Variants in SGO1 observed in about 807,000 individuals in gnomAD.
The protein encoded by SGO1 is serologically defined breast cancer antigen NY-BR-85.
A neutral mutation model predicts 50.5 loss-of-function variants in SGO1; 39 were observed. The ratio of observed to expected loss-of-function variants is 0.77; its 90% confidence interval spans 0.60 to 1.01. The LOEUF is 1.01. Ranked by LOEUF, SGO1 falls within the 50% of genes least tolerant of loss-of-function variation. The pLI, the probability that SGO1 is intolerant of heterozygous loss-of-function variation, is 0.00. For synonymous variants in SGO1, 191 were observed against 205.1 expected (o/e 0.93, Z 0.59); for missense variants, 638 against 606.0 (o/e 1.05, Z -0.55).
chr3:20,178,722 A>C (rs1328126808), intron 3 of SGO1, among the ~76,000 whole-genome samples: 2 of 152,230 alleles, frequency 1.3e-5, no homozygotes, highest in Non-Finnish European at 2.9e-5. Context: ...GAGGAAAAGA[A>C]GGCAGTGGAA....
At chr3:20,172,992 A>T (rs1700943363) in intron 6 of SGO1, among the ~76,000 whole-genome samples, 1 of 152,014 alleles carries the variant, frequency 6.6e-6, no homozygotes, top group Non-Finnish European at 1.5e-5. Flanking sequence ...ACAACAAAAA[A>T]ATCCCAACTT....
At chr3:20,173,993 G>T (rs1701069015) in intron 6 of SGO1, among the ~76,000 whole-genome samples, 1 of 152,106 alleles carries the variant, frequency 6.6e-6, no homozygotes, top group Non-Finnish European at 1.5e-5. Flanking sequence ...CTGTCCCCTT[G>T]GGAGTCCTAA....
intron 3 of SGO1, among the ~76,000 whole-genome samples, chr3:20,179,388 A>C (rs1217667102): frequency 6.6e-6 from 1 of 152,180 alleles, no homozygotes; most frequent in Non-Finnish European, 1.5e-5. Context: ...CAGTACATAA[A>C]GCTATGAGAG....
chr3:20,171,760 T>G (rs909413135), intron 6 of SGO1, among the ~76,000 whole-genome samples: 3 of 152,192 alleles, frequency 2.0e-5, no homozygotes, highest in African/African-American at 7.2e-5. Flanking sequence ...CCGCTAAAAC[T>G]CCTTCTATTA....
intron 4 of SGO1, among the ~76,000 whole-genome samples, chr3:20,177,726 G>C (rs1307863655): frequency 6.6e-6 from 1 of 152,110 alleles, no homozygotes; most frequent in African/African-American, 2.4e-5. Context: ...TTGTAACTGT[G>C]ATCTGTGCAT....
chr3:20,167,092 A>AT (rs1700344827), downstream of SGO1, among the ~76,000 whole-genome samples: 1 of 152,160 alleles, frequency 6.6e-6, no homozygotes, highest in Admixed American at 6.5e-5. Flanking sequence ...TGACTATACA[A>AT]TATACCCAGC....
intron 8 of SGO1, chr3:20,161,320 A>T: frequency 2.8e-6 from 4 of 1,406,896 alleles, no homozygotes; most frequent in Non-Finnish European, 3.7e-6. Flanking sequence ...TCCATGAAGG[A>T]TGAGCTCACA....
At position 20,161,499 on chromosome 3, in the gene SGO1, C is replaced by T. The variant is rs77553069; in HGVS notation, c.1565-273G>A. Reference sequence around the variant, plus strand: ...TGAGTGAACTGGAAGATAGAACTGACGAAATGATATGGAAAGAATGTAGCT... The same window carrying T: ...TGAGTGAACTGGAAGATAGAACTGATGAAATGATATGGAAAGAATGTAGCT... On this transcript the variant is annotated intron_variant, in intron 8 of 8. Coordinates refer to the SGO1 transcript ENST00000263753. Among the ~76,000 whole-genome samples the T allele has an allele frequency of 7.5e-3, 1,135 of 151,926 alleles. 10 individuals are homozygous for T. Among genetic ancestry groups the T allele is most frequent in the African/African-American group, 0.021 (872 of 41,416 alleles).
chr3:20,178,362 A>G lies in SGO1; in HGVS notation c.340-15T>C. 2 of 1,556,546 alleles carry G rather than the reference A, an allele frequency of 1.3e-6. No individual in the cohort carries two copies. The highest frequency in any genetic ancestry group is 1.8e-6 in the Non-Finnish European group (2 of 1,128,068). On this transcript the variant is annotated splice_polypyrimidine_tract_variant and intron_variant, in intron 3 of 7. Coordinates refer to ENST00000412997, the MANE Select transcript of SGO1 (RefSeq NM_001199251.3). ...ATTTCCTGGTTCTGTTAATGTATTA[A>G]AACAAAACACTGTTATAACTGAAGT...
At chr3:20,163,650 G>A (rs1026459412) in intron 8 of SGO1, among the ~76,000 whole-genome samples, 4 of 152,116 alleles carry the variant, frequency 2.6e-5, no homozygotes, top group East Asian at 3.8e-4. Flanking sequence ...TAATAAGAGC[G>A]AGATTATTTT....
At chr3:20,162,904 G>A (rs917395012) in intron 8 of SGO1, among the ~76,000 whole-genome samples, 3 of 151,578 alleles carry the variant, frequency 2.0e-5, no homozygotes, top group Non-Finnish European at 4.4e-5. Context: ...CCAGAGGGAA[G>A]AAAAGACTAA....
chr3:20,185,909 G>A (rs1020467562), intron 1 of SGO1, 39 bp downstream of exon 1: 3 of 152,136 alleles, frequency 2.0e-5, no homozygotes, highest in African/African-American at 7.2e-5. Flanking sequence ...GAAAACCGAA[G>A]GGAAGTCAAA....
chr3:20,178,262 G>T lies in SGO1; in HGVS notation c.416+9C>A. The T allele has an allele frequency of 1.3e-6, 2 of 1,578,448 alleles. No homozygotes were observed. The highest frequency in any genetic ancestry group is 1.7e-6 in the Non-Finnish European group (2 of 1,148,332). On this transcript the variant is annotated intron_variant, in intron 4 of 7. Coordinates refer to ENST00000412997, the MANE Select transcript of SGO1 (RefSeq NM_001199251.3). Reference sequence around the variant, plus strand: ...TATTAATAATCATGATAAAGAATTTGATACTAACGGTAAATCCTTCACAAA... The same window carrying T: ...TATTAATAATCATGATAAAGAATTTTATACTAACGGTAAATCCTTCACAAA...
upstream of SGO1, chr3:20,186,397 C>T (rs1001138137): frequency 2.6e-5 from 4 of 152,334 alleles, no homozygotes; most frequent in African/African-American, 9.6e-5. Context: ...CTCGGCGACC[C>T]GCCGGGACTT....
At chr3:20,185,645 G>T (rs186429337) in intron 1 of SGO1, among the ~76,000 whole-genome samples, 1 of 152,326 alleles carries the variant, frequency 6.6e-6, no homozygotes, top group Non-Finnish European at 1.5e-5. Flanking sequence ...GGACAAGGAG[G>T]ACGTCAACGG....
At chr3:20,162,846 G>A (rs918691259) in intron 8 of SGO1, among the ~76,000 whole-genome samples, 1 of 150,808 alleles carries the variant, frequency 6.6e-6, no homozygotes, top group Non-Finnish European at 1.5e-5. Context: ...CACTGGATAG[G>A]ATTAATAGAC....
rs760544058 is a variant in SGO1, at chr3:20,178,374, G to A, written c.340-27C>T. On this transcript the variant is annotated intron_variant, in intron 3 of 7. Coordinates refer to ENST00000412997, the MANE Select transcript of SGO1 (RefSeq NM_001199251.3). The stretch of plus-strand genomic sequence containing the variant: ...TGTTAATGTATTAAAACAAAACACT[G>A]TTATAACTGAAGTATTCACAAGAAA... The A allele has an allele frequency of 2.7e-6, 4 of 1,476,026 alleles. No homozygotes were observed. In the African/African-American group the frequency reaches 4.2e-5, roughly 15 times the overall value. The allele number at this position is 1,476,026 out of a possible 1,614,324, so 91.4% of individuals were successfully genotyped here. A position where few individuals can be genotyped will look rare whatever the true frequency, so the allele number is the denominator to read the frequency against.
upstream of SGO1, chr3:20,186,789 A>G (rs1702697781): frequency 6.6e-6 from 1 of 152,172 alleles, no homozygotes; most frequent in Admixed American, 6.5e-5. Context: ...AGCCTGAGAA[A>G]TCGTCCTTAA....
intron 3 of SGO1, among the ~76,000 whole-genome samples, chr3:20,178,887 G>T (rs878936410): frequency 1.3e-5 from 2 of 152,202 alleles, no homozygotes; most frequent in Non-Finnish European, 2.9e-5. Flanking sequence ...GTCTAAGTAT[G>T]ATGGGAAGGT....
Sources: allele counts gnomAD v4.1 joint callset (sites outside exome capture counted in the v4.1 genomes callset), GRCh38; gene constraint gnomAD v4.1.1; transcripts MANE v1.5; gene names NCBI Gene and HGNC (gene_info 2026-07-23, HGNC 2026-07-21).